Variants in GRID2 observed in about 807,000 individuals in gnomAD.
GRID2 encodes the protein glutamate receptor ionotropic, delta-2.
In GRID2, 33 loss-of-function variants were observed where a neutral mutation model predicts 114.8. The observed-to-expected ratio is 0.29, with a 90% confidence interval of 0.22 to 0.38. The LOEUF is 0.38. Among genes scored for constraint, GRID2 ranks in the 10% least tolerant of loss-of-function variants. GRID2 has a pLI of 1.00. For synonymous variants in GRID2, 505 were observed against 449.9 expected (o/e 1.12, Z -1.55); for missense variants, 1,184 against 1,257.7 (o/e 0.94, Z 0.89).
At chr4:92,898,822 A>G (rs1390856522) in intron 2 of GRID2, among the ~76,000 whole-genome samples, 1 of 152,158 alleles carries the variant, frequency 6.6e-6, no homozygotes, top group East Asian at 1.9e-4. Flanking sequence ...GGAAATGTGC[A>G]TGGTTACTCG....
intron 2 of GRID2, among the ~76,000 whole-genome samples, chr4:92,744,663 G>T (rs756850029): frequency 6.6e-6 from 1 of 151,950 alleles, no homozygotes; most frequent in Non-Finnish European, 1.5e-5. Context: ...CACTTTTCTA[G>T]TGTTTCTCAT....
At chr4:93,667,376 TTC>T (rs757930454) in intron 14 of GRID2, among the ~76,000 whole-genome samples, 10 of 150,252 alleles carry the variant, frequency 6.7e-5, no homozygotes, top group African/African-American at 2.3e-4. Flanking sequence ...ATCTGTTAGA[TTC>T]TCTCTCTCTC....
At position 93,182,147 on chromosome 4, in the gene GRID2, A is replaced by C. The variant is rs540145284; in HGVS notation, c.736-25257A>C. Among the ~76,000 whole-genome samples the C allele has an allele frequency of 1.2e-4, 18 of 152,306 alleles. No individual in the cohort carries two copies. The East Asian group carries it at 3.3e-3, about 28-fold the overall frequency. On this transcript the variant is annotated intron_variant, in intron 4 of 15. Transcript: ENST00000282020. Reference sequence around the variant, plus strand: ...ATTTTTAGTGTTTAAAATGAAGTATATCTGATAATGGTCTTCTCCAAATCT... The same window carrying C: ...ATTTTTAGTGTTTAAAATGAAGTATCTCTGATAATGGTCTTCTCCAAATCT...
chr4:93,601,001 A>C (rs1739622614), intron 13 of GRID2, among the ~76,000 whole-genome samples: 1 of 152,222 alleles, frequency 6.6e-6, no homozygotes, highest in South Asian at 2.1e-4. Flanking sequence ...TCAGAGCAAT[A>C]GTGCCCAGAG....
chr4:93,533,537 C>CTTTT (rs34014956), intron 13 of GRID2, among the ~76,000 whole-genome samples: 2 of 86,506 alleles, frequency 2.3e-5, no homozygotes, highest in Admixed American at 2.8e-4. Context: ...CCACACCCAG[C>CTTTT]TTTTTTTTTT....
At position 92,935,544 on chromosome 4, in the gene GRID2, C is replaced by G. The variant is rs1193083797; in HGVS notation, c.245-149451C>G. On this transcript the variant is annotated intron_variant, in intron 2 of 15. Transcript: ENST00000282020. The stretch of plus-strand genomic sequence containing the variant: ...GCCATCCCATTACTGGGTATATACC[C>G]AAAGGACTATAAATCATGCTGCTAT... 4.1e-5 allele frequency among the ~76,000 whole-genome samples: 6 copies of G among 146,714 alleles called. 1 individual carries two copies. In the East Asian group the frequency reaches 1.3e-3, roughly 32 times the overall value.
intron 12 of GRID2, among the ~76,000 whole-genome samples, chr4:93,503,894 T>G (rs1331820128): frequency 6.6e-6 from 1 of 152,100 alleles, no homozygotes; most frequent in Non-Finnish European, 1.5e-5. Context: ...GGAATGTATC[T>G]TTTGCATTTG....
chr4:93,438,260 C>G lies in GRID2; in HGVS notation c.1545+15292C>G, dbSNP rs1030513564. On this transcript the variant is annotated intron_variant, in intron 10 of 15. Coordinates refer to ENST00000282020, the MANE Select transcript of GRID2 (RefSeq NM_001510.4). ...AATTAAAACACAGTGTGAAAAATGC[C>G]ATAGGGTAATACATACAGGGTGCCA... Among the ~76,000 whole-genome samples, 54 of 152,036 alleles carry G rather than the reference C, an allele frequency of 3.6e-4. 1 individual carries two copies. Among genetic ancestry groups the G allele is most frequent in the Non-Finnish European group, 2.1e-4 (14 of 68,018 alleles).
chr4:92,917,828 T>G (rs1578465740), intron 2 of GRID2, among the ~76,000 whole-genome samples: 1 of 152,282 alleles, frequency 6.6e-6, no homozygotes, highest in East Asian at 1.9e-4. Flanking sequence ...GACATGGCAA[T>G]TCAGGCTCTT....
chr4:92,829,800 G>T (rs904869556), intron 2 of GRID2, among the ~76,000 whole-genome samples: 2 of 152,068 alleles, frequency 1.3e-5, no homozygotes, highest in African/African-American at 4.8e-5. Flanking sequence ...GATGAAGCTG[G>T]AAACCATCAT....
chr4:92,924,831 T>A (rs980922016), intron 2 of GRID2, among the ~76,000 whole-genome samples: 3 of 152,116 alleles, frequency 2.0e-5, no homozygotes, highest in African/African-American at 7.2e-5. Context: ...TTTGCCTGAT[T>A]TATCACAGCT....
At chr4:92,996,432 A>G (rs1167620070) in intron 2 of GRID2, among the ~76,000 whole-genome samples, 1 of 152,216 alleles carries the variant, frequency 6.6e-6, no homozygotes, top group Non-Finnish European at 1.5e-5. Context: ...ATATGCATGT[A>G]TGTTTCTTTA....
intron 2 of GRID2, among the ~76,000 whole-genome samples, chr4:93,044,712 G>C (rs1344404218): frequency 6.6e-6 from 1 of 152,108 alleles, no homozygotes; most frequent in Non-Finnish European, 1.5e-5. Flanking sequence ...GTGCATAAGT[G>C]ATCATTTAAA....
intron 2 of GRID2, among the ~76,000 whole-genome samples, chr4:92,832,240 G>A (rs1742151914): frequency 6.6e-6 from 1 of 151,950 alleles, no homozygotes. Flanking sequence ...AGGAGTTGGA[G>A]ACCAGCCTGG....
chr4:93,594,226 G>A (rs1186206548), intron 13 of GRID2, among the ~76,000 whole-genome samples: 1 of 151,972 alleles, frequency 6.6e-6, no homozygotes, highest in Non-Finnish European at 1.5e-5. Flanking sequence ...GTACAGATGG[G>A]TTTTTGGTGT....
intron 2 of GRID2, among the ~76,000 whole-genome samples, chr4:92,799,264 G>A (rs1463648720): frequency 6.6e-6 from 1 of 151,874 alleles, no homozygotes; most frequent in African/African-American, 2.4e-5. Flanking sequence ...TGCACAGTTT[G>A]CAATAAGGTC....
chr4:93,469,871 A>G (rs986788239), intron 11 of GRID2, among the ~76,000 whole-genome samples: 4 of 152,168 alleles, frequency 2.6e-5, no homozygotes, highest in Admixed American at 6.5e-5. Flanking sequence ...TATTGCAAAT[A>G]GTTGTATAGA....
chr4:92,756,432 T>C (rs1737724071), intron 2 of GRID2, among the ~76,000 whole-genome samples: 1 of 152,176 alleles, frequency 6.6e-6, no homozygotes, highest in Non-Finnish European at 1.5e-5. Context: ...GATACATTGA[T>C]TCTCTGTTTG....
intron 11 of GRID2, among the ~76,000 whole-genome samples, chr4:93,489,462 A>T (rs2149457941): frequency 6.6e-6 from 1 of 152,098 alleles, no homozygotes; most frequent in South Asian, 2.1e-4. Flanking sequence ...TATTTTTTAA[A>T]GAGTCCTGGG....
Sources: gnomAD v4.1 joint callset for allele counts (sites outside exome capture counted in the v4.1 genomes callset) on GRCh38, gnomAD v4.1.1 for gene constraint, MANE v1.5 for transcripts, NCBI Gene and HGNC (gene_info 2026-07-23, HGNC 2026-07-21) for gene names.